Variants in CEP57 observed in about 807,000 individuals in gnomAD.
The protein encoded by CEP57 is centrosomal protein 57.
CEP57 carries 40 observed loss-of-function variants against 68.0 expected under a neutral mutation model. The ratio of observed to expected loss-of-function variants is 0.59; its 90% CI spans 0.46 to 0.77. The LOEUF is 0.77. CEP57 is among the 30% of genes least tolerant of loss of function. The pLI is 0.00. For missense variants in CEP57, 606 were observed against 580.7 expected, an observed-to-expected ratio of 1.04 and a Z score of -0.45; for synonymous variants, 219 against 198.7, an observed-to-expected ratio of 1.10 and a Z score of -0.86.
At chr11:95,830,982 CATTAA>C in intron 10 of CEP57, 39 bp from the exon 11 acceptor site, 1 of 1,467,404 alleles carries the variant, frequency 6.8e-7, no homozygotes, top group Non-Finnish European at 9.5e-7. Flanking sequence ...AAAATATTTT[CATTAA>C]ATTCTCCTTT....
intron 8 of CEP57, among the ~76,000 whole-genome samples, chr11:95,823,876 T>C (rs1045012980): frequency 5.3e-5 from 8 of 152,110 alleles, no homozygotes; most frequent in African/African-American, 1.9e-4. Context: ...TTTAGCACAA[T>C]ACAGTAAATA....
At chr11:95,818,628 T>C (rs1190672685) in intron 5 of CEP57, among the ~76,000 whole-genome samples, 199 bp from the exon 6 acceptor site, 1 of 152,188 alleles carries the variant, frequency 6.6e-6, no homozygotes, top group Non-Finnish European at 1.5e-5. Context: ...TTTGTCCAGC[T>C]ACCTCACAGA....
intron 2 of CEP57, among the ~76,000 whole-genome samples, chr11:95,809,198 A>G (rs1861943009): frequency 6.6e-6 from 1 of 152,222 alleles, no homozygotes; most frequent in Non-Finnish European, 1.5e-5. Context: ...GACACATTCA[A>G]AGCAGTGTGT....
chr11:95,799,453 G>T, intron 2 of CEP57, 65 bp downstream of exon 2: 1 of 1,591,888 alleles, frequency 6.3e-7, no homozygotes, highest in South Asian at 1.1e-5. Context: ...TCTTAACTTT[G>T]TCCTCCATTA....
At chr11:95,795,454 A>T (rs1861299751) in intron 1 of CEP57, 2 of 428,040 alleles carry the variant, frequency 4.7e-6, no homozygotes, top group Non-Finnish European at 8.3e-6. Context: ...TTTAGTCATG[A>T]TACGAAATTG....
Position 95,831,489 on chromosome 11 carries a change from T to C in CEP57, c.*233T>C. 1 of 418,812 alleles carries C rather than the reference T, an allele frequency of 2.4e-6. No individual in the cohort carries two copies. Among genetic ancestry groups the C allele is most frequent in the Non-Finnish European group, 4.3e-6 (1 of 230,970 alleles). The allele number at this position is 418,812 out of a possible 1,614,324, so 25.9% of individuals were successfully genotyped here. On this transcript the variant is annotated 3_prime_UTR_variant, in exon 11 of 11. Transcript: ENST00000325542. ...GCCCGAGAAACCACACATAATCTTT[T>C]GTTGAGATGAGTTTGCTGTACTGAC... is the stretch of plus-strand genomic sequence containing the variant.
intron 4 of CEP57, chr11:95,815,103 A>G (rs1420335811): frequency 6.6e-6 from 1 of 152,158 alleles, no homozygotes; most frequent in Non-Finnish European, 1.5e-5. Flanking sequence ...TTTCTCGTAT[A>G]TTTTCAATCC....
intron 6 of CEP57, among the ~76,000 whole-genome samples, chr11:95,819,772 T>C (rs1193281302): frequency 6.6e-6 from 1 of 152,242 alleles, no homozygotes; most frequent in Non-Finnish European, 1.5e-5. Context: ...ATATATGTGA[T>C]TACAGGAATA....
intron 2 of CEP57, among the ~76,000 whole-genome samples, chr11:95,805,373 C>T (rs1163902890): frequency 2.0e-5 from 3 of 152,082 alleles, no homozygotes; most frequent in Non-Finnish European, 2.9e-5. Flanking sequence ...TTTCAGGTTT[C>T]TTCCTGTGTG....
chr11:95,820,578 G>GGAAA (rs1565328421), intron 6 of CEP57, among the ~76,000 whole-genome samples: 1 of 52,690 alleles, frequency 1.9e-5, no homozygotes, highest in Non-Finnish European at 4.8e-5. Context: ...GGCAACAAGA[G>GGAAA]CAAAAAAAAA....
At chr11:95,795,376 CAT>C (rs1861297308) in intron 1 of CEP57, 1 of 383,932 alleles carries the variant, frequency 2.6e-6, no homozygotes, top group African/African-American at 2.1e-5. Flanking sequence ...CTGACTCTTA[CAT>C]ATCTATTTTA....
In CEP57 at chr11:95,831,299, C is replaced by A; in HGVS notation, c.*43C>A. The A allele has an allele frequency of 7.5e-7, 1 of 1,330,352 alleles. No individual in the cohort carries two copies. Among genetic ancestry groups the A allele is most frequent in the East Asian group, 2.4e-5 (1 of 42,242 alleles). The allele number at this position is 1,330,352 out of a possible 1,614,324, so 82.4% of individuals were successfully genotyped here. ...AATTTTATTCAGATAATCTGTACCTCATCAATCAGATGATGACAATTTACT... is the reference window on the plus strand; with the variant it reads ...AATTTTATTCAGATAATCTGTACCTAATCAATCAGATGATGACAATTTACT... On this transcript the variant is annotated 3_prime_UTR_variant, in exon 11 of 11. Coordinates refer to ENST00000325542, the MANE Select transcript of CEP57 (RefSeq NM_014679.5).
chr11:95,790,869 A>T (rs1861008353), intron 1 of CEP57, 126 bp downstream of exon 1: 1 of 1,081,278 alleles, frequency 9.2e-7, no homozygotes, highest in African/African-American at 1.6e-5. Flanking sequence ...GAATGCCTAG[A>T]TTGCCCCGCG....
intron 2 of CEP57, among the ~76,000 whole-genome samples, chr11:95,808,122 T>C (rs558506594): frequency 1.3e-5 from 2 of 152,210 alleles, no homozygotes; most frequent in East Asian, 1.9e-4. Context: ...AAACTAAGCT[T>C]TGTAAGTGAA....
At chr11:95,792,544 T>C (rs889620676) in intron 1 of CEP57, among the ~76,000 whole-genome samples, 1 of 152,240 alleles carries the variant, frequency 6.6e-6, no homozygotes, top group African/African-American at 2.4e-5. Context: ...TAGGTGAGCA[T>C]TGGCACTGGG....
chr11:95,828,216 T>TA (rs1201858372), intron 9 of CEP57, among the ~76,000 whole-genome samples, 189 bp downstream of exon 9: 1 of 152,222 alleles, frequency 6.6e-6, no homozygotes, highest in Non-Finnish European at 1.5e-5. Context: ...TCTTTTTAAA[T>TA]ACTGTTAAAT....
At chr11:95,795,638 C>T (rs1861310207) in intron 1 of CEP57, 4 of 482,280 alleles carry the variant, frequency 8.3e-6, no homozygotes, top group East Asian at 6.7e-5. Flanking sequence ...GCCATCTTTT[C>T]TTGTAAAACT....
At chr11:95,818,105 G>A in intron 5 of CEP57, 1 of 537,882 alleles carries the variant, frequency 1.9e-6, no homozygotes, top group Non-Finnish European at 3.3e-6. Flanking sequence ...TTATGAAAAT[G>A]TTTGTTAAAA....
At chr11:95,826,922 T>A (rs1189150820) in intron 8 of CEP57, 1 of 152,170 alleles carries the variant, frequency 6.6e-6, no homozygotes, top group Non-Finnish European at 1.5e-5. Context: ...GAAACTAAGA[T>A]TAGAAGGAAA....
Sources: allele counts gnomAD v4.1 joint callset (sites outside exome capture counted in the v4.1 genomes callset), GRCh38; gene constraint gnomAD v4.1.1; transcripts MANE v1.5; gene names NCBI Gene and HGNC (gene_info 2026-07-23, HGNC 2026-07-21).